MCTP1: variants seen among roughly 807,000 people sequenced by gnomAD.
The protein encoded by MCTP1 is multiple C2 and transmembrane domain containing 1.
Under a neutral mutation model 120.6 loss-of-function variants are expected in MCTP1, and 69 were observed. The observed-to-expected ratio is 0.57, with a 90% CI of 0.47 to 0.70. The LOEUF (loss-of-function observed/expected upper bound fraction) is 0.70, where lower values mean the gene tolerates loss of function less well. MCTP1 is among the 30% of genes least tolerant of loss of function. MCTP1 has a pLI of 0.00. For missense variants in MCTP1, 1,203 were observed against 1,248.8 expected, an observed-to-expected ratio of 0.96 and a Z score of 0.55; for synonymous variants, 529 against 493.1, an observed-to-expected ratio of 1.07 and a Z score of -0.96.
intron 1 of MCTP1, among the ~76,000 whole-genome samples, chr5:95,156,840 T>C (rs1446296290): frequency 6.6e-6 from 1 of 152,210 alleles, no homozygotes; most frequent in African/African-American, 2.4e-5. Context: ...ATTTTAAAAC[T>C]AAATATTTCA....
In MCTP1 at chr5:94,708,616, CAA is replaced by C. The variant is rs1561501981; in HGVS notation, c.2831-9_2831-8del. On this transcript the variant is annotated splice_region_variant and splice_polypyrimidine_tract_variant and intron_variant, in intron 21 of 22. Transcript: ENST00000515393. ...TTTGTAAATTTATTGATGCCTGAAACAAAGTTGGAGTTAAACAAAGCACATTT... is the reference window on the plus strand; with the variant it reads ...TTTGTAAATTTATTGATGCCTGAAACAGTTGGAGTTAAACAAAGCACATTT... The C allele has an allele frequency of 6.4e-7, 1 of 1,564,726 alleles. No homozygotes were observed. The highest frequency in any genetic ancestry group is 8.8e-7 in the Non-Finnish European group (1 of 1,136,146).
chr5:94,746,580 A>G (rs1766946630), intron 19 of MCTP1, among the ~76,000 whole-genome samples: 1 of 152,228 alleles, frequency 6.6e-6, no homozygotes, highest in Non-Finnish European at 1.5e-5. Flanking sequence ...GGGGAATAAG[A>G]ACAAATATAA....
intron 1 of MCTP1, among the ~76,000 whole-genome samples, chr5:95,216,396 G>C (rs534567183): frequency 2.0e-4 from 30 of 152,260 alleles, no homozygotes; most frequent in African/African-American, 7.2e-4. Flanking sequence ...CCTTTCCAGA[G>C]AATTACTAAG....
chr5:95,256,267 T>C (rs1194802769), intron 1 of MCTP1, among the ~76,000 whole-genome samples: 2 of 152,166 alleles, frequency 1.3e-5, no homozygotes, highest in African/African-American at 2.4e-5. Flanking sequence ...ATTAAGAAAG[T>C]ATCCTGAGGA....
intron 1 of MCTP1, among the ~76,000 whole-genome samples, chr5:95,063,662 C>T (rs1051158052): frequency 2.6e-5 from 4 of 152,198 alleles, no homozygotes; most frequent in Admixed American, 6.5e-5. Flanking sequence ...GTGGTGCATT[C>T]TCGGCTCACT....
At chr5:94,860,098 A>C (rs1385939551) in intron 17 of MCTP1, among the ~76,000 whole-genome samples, 2 of 151,620 alleles carry the variant, frequency 1.3e-5, no homozygotes. Flanking sequence ...TTTTTGACCT[A>C]TGGTGAACTG....
intron 1 of MCTP1, among the ~76,000 whole-genome samples, chr5:95,029,676 G>A (rs985392890): frequency 1.3e-5 from 2 of 152,184 alleles, no homozygotes; most frequent in Non-Finnish European, 2.9e-5. Context: ...CAGCCAGACT[G>A]TTGGGGAACC....
At chr5:95,001,774 A>G (rs1211104914) in intron 2 of MCTP1, among the ~76,000 whole-genome samples, 3 of 152,224 alleles carry the variant, frequency 2.0e-5, no homozygotes, top group Non-Finnish European at 4.4e-5. Context: ...GCCATAGAAA[A>G]GAAAAAATCA....
At chr5:94,895,916 A>G (rs974857210) in intron 10 of MCTP1, among the ~76,000 whole-genome samples, 4 of 152,208 alleles carry the variant, frequency 2.6e-5, no homozygotes, top group Non-Finnish European at 5.9e-5. Flanking sequence ...AAGGAAAACA[A>G]TAAGCAATGC....
At chr5:94,894,864 T>A in intron 10 of MCTP1, 29 bp from the exon 11 acceptor site, 12 of 1,226,432 alleles carry the variant, frequency 9.8e-6, no homozygotes, top group Non-Finnish European at 1.3e-5. Flanking sequence ...AATCAGCAAG[T>A]GGCTTTTTTT....
At chr5:95,015,617 A>G (rs973796414) in intron 2 of MCTP1, among the ~76,000 whole-genome samples, 1 of 152,128 alleles carries the variant, frequency 6.6e-6, no homozygotes, top group East Asian at 1.9e-4. Flanking sequence ...CTTACATAGA[A>G]CGTTGCATAT....
intron 1 of MCTP1, among the ~76,000 whole-genome samples, chr5:95,155,934 C>CA (rs1745072024): frequency 2.0e-5 from 3 of 152,140 alleles, no homozygotes; most frequent in Admixed American, 2.0e-4. Context: ...AGTTTTCTTC[C>CA]ACTGGCTTTG....
At chr5:94,938,979 GTAT>G (rs1816878246) in intron 5 of MCTP1, among the ~76,000 whole-genome samples, 1 of 151,984 alleles carries the variant, frequency 6.6e-6, no homozygotes, top group Non-Finnish European at 1.5e-5. Context: ...CTCACACTAG[GTAT>G]TATTATCTGG....
At chr5:94,958,031 C>T (rs1384465187) in intron 2 of MCTP1, among the ~76,000 whole-genome samples, 1 of 152,184 alleles carries the variant, frequency 6.6e-6, no homozygotes, top group Admixed American at 6.5e-5. Context: ...TAAAACTGCT[C>T]AGCTAATGCA....
intron 1 of MCTP1, among the ~76,000 whole-genome samples, chr5:95,121,936 C>CAAAA (rs70978167): frequency 6.2e-5 from 7 of 112,708 alleles, no homozygotes; most frequent in Middle Eastern, 4.5e-3. Context: ...TATCCATATG[C>CAAAA]AAAAAAAAAA....
intron 1 of MCTP1, among the ~76,000 whole-genome samples, chr5:95,219,601 A>G (rs1753456460): frequency 6.6e-6 from 1 of 152,134 alleles, no homozygotes; most frequent in Admixed American, 6.6e-5. Flanking sequence ...ATAAAGATCT[A>G]AAGCAGCTGT....
At chr5:95,212,542 C>T (rs535515588) in intron 1 of MCTP1, among the ~76,000 whole-genome samples, 10 of 152,224 alleles carry the variant, frequency 6.6e-5, no homozygotes, top group Admixed American at 1.3e-4. Context: ...ATACCAAAGC[C>T]GCGCACAGAC....
chr5:95,161,443 G>A (rs937003120), intron 1 of MCTP1, among the ~76,000 whole-genome samples: 7 of 152,126 alleles, frequency 4.6e-5, no homozygotes, highest in Non-Finnish European at 7.4e-5. Flanking sequence ...GCTGGGGGAA[G>A]GGGGTCAAGA....
chr5:95,128,012 C>T (rs1758760732), intron 1 of MCTP1, among the ~76,000 whole-genome samples: 1 of 152,140 alleles, frequency 6.6e-6, no homozygotes, highest in African/African-American at 2.4e-5. Context: ...TACTAGAAAG[C>T]CATGCGAGGG....
Sources: gnomAD v4.1 joint callset for allele counts (sites outside exome capture counted in the v4.1 genomes callset) on GRCh38, gnomAD v4.1.1 for gene constraint, MANE v1.5 for transcripts, NCBI Gene and HGNC (gene_info 2026-07-23, HGNC 2026-07-21) for gene names.